The following TRHDE variants were observed in gnomAD, a reference collection of about 807,000 sequenced individuals.
TRHDE encodes the protein thyrotropin-releasing hormone-degrading ectoenzyme.
Under a neutral mutation model 125.7 loss-of-function variants are expected in TRHDE, and 72 were observed. The ratio of observed to expected loss-of-function variants is 0.57; its 90% CI spans 0.47 to 0.70. The LOEUF is 0.70. TRHDE is among the 30% of genes least tolerant of loss of function. The pLI, the probability that TRHDE is intolerant of heterozygous loss-of-function variation, is 0.00. For synonymous variants in TRHDE, 509 were observed against 509.1 expected (o/e 1.00, Z 0.00); for missense variants, 1,110 against 1,327.1 (o/e 0.84, Z 2.54).
At chr12:72,117,560 G>T (rs2139299162) in intron 2 of TRHDE, among the ~76,000 whole-genome samples, 1 of 151,968 alleles carries the variant, frequency 6.6e-6, no homozygotes, top group African/African-American at 2.4e-5. Context: ...GTCTATTCTG[G>T]GTCTTTTGTT....
chr12:72,633,126 T>A (rs1178707718), intron 15 of TRHDE, among the ~76,000 whole-genome samples: 2 of 151,982 alleles, frequency 1.3e-5, no homozygotes, highest in Admixed American at 6.6e-5. Flanking sequence ...TAAACTTAGA[T>A]CAAGTGAGTG....
intron 2 of TRHDE, among the ~76,000 whole-genome samples, chr12:72,114,433 A>G (rs1027107859): frequency 6.6e-6 from 1 of 152,208 alleles, no homozygotes; most frequent in Non-Finnish European, 1.5e-5. Context: ...ATTATATACC[A>G]TATTCTTAAA....
At chr12:72,244,172 A>G (rs1304357404) in intron 2 of TRHDE, among the ~76,000 whole-genome samples, 2 of 152,214 alleles carry the variant, frequency 1.3e-5, no homozygotes, top group Non-Finnish European at 2.9e-5. Flanking sequence ...TTTGGAGACT[A>G]TGATGTTACT....
intron 1 of TRHDE, among the ~76,000 whole-genome samples, chr12:72,101,961 C>A (rs535494628): frequency 6.6e-6 from 1 of 152,148 alleles, no homozygotes; most frequent in Non-Finnish European, 1.5e-5. Context: ...TTGTTTAGAT[C>A]ATTTAAAATT....
chr12:72,292,319 T>A (rs1443139406), intron 2 of TRHDE, among the ~76,000 whole-genome samples: 1 of 152,216 alleles, frequency 6.6e-6, no homozygotes. Context: ...TTTCTTACTA[T>A]GAGAATCATC....
intron 2 of TRHDE, among the ~76,000 whole-genome samples, chr12:72,112,159 G>T (rs1354433943): frequency 6.6e-6 from 1 of 152,150 alleles, no homozygotes. Flanking sequence ...GGACTGTGAA[G>T]TGAGTTTTAA....
intron 3 of TRHDE, among the ~76,000 whole-genome samples, chr12:72,385,730 A>G (rs537721646): frequency 1.1e-4 from 16 of 152,242 alleles, no homozygotes; most frequent in African/African-American, 3.8e-4. Context: ...TTGTTAAGCT[A>G]TTTTGTAGCT....
rs149179155 is a variant in TRHDE at position 72,305,612 on chromosome 12, C to T, written c.1188+18658C>T. The stretch of plus-strand genomic sequence containing the variant: ...CGGTTGTATTAGGATGTACCTACAA[C>T]TGGAGAAAGGATATTTCTGTGTCTG... On this transcript the variant is annotated intron_variant, in intron 2 of 18. Coordinates refer to ENST00000261180, the MANE Select transcript of TRHDE (RefSeq NM_013381.3). Among the ~76,000 whole-genome samples the T allele has an allele frequency of 1.2e-3, 177 of 152,270 alleles. No individual in the cohort carries two copies. The Middle Eastern group carries it at 0.014, about 12-fold the overall frequency.
chr12:72,544,568 T>G (rs1001380070), intron 7 of TRHDE, among the ~76,000 whole-genome samples: 2 of 150,382 alleles, frequency 1.3e-5, no homozygotes, highest in African/African-American at 4.8e-5. Context: ...TTTTTCTCTC[T>G]TGCTCTCTTT....
chr12:72,597,666 TAAA>T (rs758942039), intron 12 of TRHDE, among the ~76,000 whole-genome samples: 1 of 75,670 alleles, frequency 1.3e-5, no homozygotes, highest in Non-Finnish European at 2.3e-5. Flanking sequence ...AGACCTTGTC[TAAA>T]AAAAAAAAAA....
At chr12:72,662,866 TCTGTC>T (rs1294513710) in intron 18 of TRHDE, among the ~76,000 whole-genome samples, 181 bp from the exon 19 acceptor site, 17 of 149,910 alleles carry the variant, frequency 1.1e-4, no homozygotes, top group African/African-American at 4.1e-4. Context: ...ATTGACATAA[TCTGTC>T]ATATTTCATT....
chr12:72,288,902 T>C (rs1208421015), intron 2 of TRHDE, among the ~76,000 whole-genome samples: 2 of 152,096 alleles, frequency 1.3e-5, no homozygotes, highest in East Asian at 1.9e-4. Flanking sequence ...GAAAGGTCAA[T>C]TGAAATAAAA....
intron 2 of TRHDE, among the ~76,000 whole-genome samples, chr12:72,128,007 G>C (rs1165268980): frequency 6.6e-6 from 1 of 151,890 alleles, no homozygotes; most frequent in Non-Finnish European, 1.5e-5. Flanking sequence ...TATTAGGAGT[G>C]AGCTGCAAAA....
chr12:72,172,930 C>T (rs545746894), intron 2 of TRHDE, among the ~76,000 whole-genome samples: 1 of 152,266 alleles, frequency 6.6e-6, no homozygotes, highest in Non-Finnish European at 1.5e-5. Context: ...AACAAATTCC[C>T]CCAAAGGCTC....
At chr12:72,503,246 T>C (rs1287352674) in intron 6 of TRHDE, among the ~76,000 whole-genome samples, 1 of 152,206 alleles carries the variant, frequency 6.6e-6, no homozygotes, top group East Asian at 1.9e-4. Flanking sequence ...ATGGGGTTGT[T>C]ATGATCATAA....
chr12:72,309,674 A>G (rs1031584639), intron 2 of TRHDE: 2 of 128,132 alleles, frequency 1.6e-5, no homozygotes, highest in Non-Finnish European at 3.6e-5. Flanking sequence ...AAAAATATAA[A>G]AGGGTGTGTT....
At chr12:72,406,669 C>T (rs916518603) in intron 3 of TRHDE, among the ~76,000 whole-genome samples, 2 of 151,972 alleles carry the variant, frequency 1.3e-5, no homozygotes, top group Admixed American at 6.6e-5. Context: ...TTGTTTTCAC[C>T]GCTAGAGTTT....
intron 3 of TRHDE, among the ~76,000 whole-genome samples, chr12:72,398,989 C>T (rs1319839085): frequency 6.6e-6 from 1 of 152,162 alleles, no homozygotes; most frequent in Admixed American, 6.5e-5. Flanking sequence ...TGGGAGGTGG[C>T]CAGTGAGCAT....
At chr12:72,228,435 A>G (rs1161555418) in intron 2 of TRHDE, among the ~76,000 whole-genome samples, 1 of 152,186 alleles carries the variant, frequency 6.6e-6, no homozygotes, top group Non-Finnish European at 1.5e-5. Context: ...GACTGCACAA[A>G]GCATGAAGGC....
Sources: gnomAD v4.1 joint callset for allele counts (sites outside exome capture counted in the v4.1 genomes callset) on GRCh38, gnomAD v4.1.1 for gene constraint, MANE v1.5 for transcripts, NCBI Gene and HGNC (gene_info 2026-07-23, HGNC 2026-07-21) for gene names.